ANTXR1: variants seen among roughly 807,000 people sequenced by gnomAD.
The protein encoded by ANTXR1 is anthrax toxin receptor 1.
ANTXR1 carries 19 observed loss-of-function variants against 78.1 expected under a neutral mutation model. The ratio of observed to expected loss-of-function variants is 0.24; its 90% CI spans 0.17 to 0.36. The LOEUF is 0.36. Among genes scored for constraint, ANTXR1 ranks in the 10% least tolerant of loss-of-function variants. The pLI is 1.00. For synonymous variants in ANTXR1, 273 were observed against 260.5 expected (o/e 1.05, Z -0.46); for missense variants, 518 against 718.6 (o/e 0.72, Z 3.19).
At chr2:69,197,932 A>G (rs1021515886) in intron 17 of ANTXR1, among the ~76,000 whole-genome samples, 2 of 152,192 alleles carry the variant, frequency 1.3e-5, no homozygotes, top group African/African-American at 2.4e-5. Context: ...TTATCACGTC[A>G]CCATTGTCAA....
chr2:69,214,014 G>A (rs966968628), intron 17 of ANTXR1, among the ~76,000 whole-genome samples: 1 of 152,260 alleles, frequency 6.6e-6, no homozygotes, highest in Non-Finnish European at 1.5e-5. Context: ...CCACAGCCAG[G>A]CAGTCTCAGC....
chr2:69,020,921 T>C (rs1202969013), intron 1 of ANTXR1, among the ~76,000 whole-genome samples: 1 of 152,162 alleles, frequency 6.6e-6, no homozygotes, highest in African/African-American at 2.4e-5. Flanking sequence ...TTGCAAGCAA[T>C]GTCCTGCTAT....
At chr2:69,065,625 T>C (rs1362408447) in intron 3 of ANTXR1, among the ~76,000 whole-genome samples, 7 of 152,196 alleles carry the variant, frequency 4.6e-5, no homozygotes, top group Non-Finnish European at 2.9e-5. Flanking sequence ...GTATAAATTG[T>C]ATTTCACTAA....
chr2:69,207,563 A>G (rs1055719645), intron 17 of ANTXR1, among the ~76,000 whole-genome samples: 1 of 152,204 alleles, frequency 6.6e-6, no homozygotes, highest in Non-Finnish European at 1.5e-5. Flanking sequence ...CCATGACAGG[A>G]ACTTAAAATT....
intron 17 of ANTXR1, among the ~76,000 whole-genome samples, chr2:69,217,257 G>A (rs1313386515): frequency 1.3e-5 from 2 of 152,140 alleles, no homozygotes; most frequent in African/African-American, 4.8e-5. Context: ...AGGGCCTCAG[G>A]GCCTCCCATC....
At position 69,070,630 on chromosome 2, in the gene ANTXR1, G is replaced by A; in HGVS notation, c.297-17G>A. Reference sequence around the variant, plus strand: ...AAAATACTCAAATAAGACTAACAGAGTGTCTTTGGATTTCAGAGAACAAAT... The same window carrying A: ...AAAATACTCAAATAAGACTAACAGAATGTCTTTGGATTTCAGAGAACAAAT... On this transcript the variant is annotated splice_polypyrimidine_tract_variant and intron_variant, in intron 3 of 17. Transcript: ENST00000303714. 8.7e-6 allele frequency: 14 copies of A among 1,613,004 alleles called. No homozygotes were observed. The highest frequency in any genetic ancestry group is 1.2e-5 in the Non-Finnish European group (14 of 1,179,008).
intron 12 of ANTXR1, among the ~76,000 whole-genome samples, chr2:69,140,771 T>G (rs1251114512): frequency 6.6e-6 from 1 of 152,216 alleles, no homozygotes; most frequent in Non-Finnish European, 1.5e-5. Flanking sequence ...ATGTGGGAAT[T>G]CAGTTATGTT....
At chr2:69,056,491 T>C (rs1156520445) in intron 3 of ANTXR1, among the ~76,000 whole-genome samples, 1 of 152,088 alleles carries the variant, frequency 6.6e-6, no homozygotes, top group Non-Finnish European at 1.5e-5. Flanking sequence ...TAATGAACAC[T>C]CATTACCCAC....
At chr2:69,170,352 C>T in intron 14 of ANTXR1, 63 bp downstream of exon 14, 1 of 1,586,856 alleles carries the variant, frequency 6.3e-7, no homozygotes, top group South Asian at 1.1e-5. Context: ...GGAGAGCTGG[C>T]TGGGCAGCTG....
chr2:69,143,758 A>AG (rs1460728356), intron 12 of ANTXR1, among the ~76,000 whole-genome samples: 11 of 152,154 alleles, frequency 7.2e-5, no homozygotes, highest in African/African-American at 2.7e-4. Flanking sequence ...TTTAAAGAGG[A>AG]GGAAAAAGAT....
At chr2:69,123,243 G>A (rs1334111502) in intron 11 of ANTXR1, among the ~76,000 whole-genome samples, 157 bp downstream of exon 11, 2 of 152,268 alleles carry the variant, frequency 1.3e-5, no homozygotes, top group Admixed American at 1.3e-4. Flanking sequence ...CAGACGCCAG[G>A]ATAAGTGTTT....
intron 2 of ANTXR1, among the ~76,000 whole-genome samples, chr2:69,043,179 C>T (rs1669663511): frequency 6.6e-6 from 1 of 152,234 alleles, no homozygotes; most frequent in African/African-American, 2.4e-5. Flanking sequence ...AGAATTAAAA[C>T]ACTTGACTTC....
chr2:69,102,184 G>C (rs968050776), intron 9 of ANTXR1, among the ~76,000 whole-genome samples: 1 of 152,210 alleles, frequency 6.6e-6, no homozygotes, highest in African/African-American at 2.4e-5. Context: ...TTCCTACCTA[G>C]CCTATGTACT....
At chr2:69,120,959 A>G (rs1409165342) in intron 10 of ANTXR1, among the ~76,000 whole-genome samples, 1 of 152,144 alleles carries the variant, frequency 6.6e-6, no homozygotes, top group Non-Finnish European at 1.5e-5. Flanking sequence ...CAACAGCCTC[A>G]CTGGCCCTCT....
intron 17 of ANTXR1, among the ~76,000 whole-genome samples, chr2:69,205,425 A>G (rs1674872035): frequency 6.6e-6 from 1 of 152,150 alleles, no homozygotes; most frequent in Non-Finnish European, 1.5e-5. Context: ...TCAGGCACTC[A>G]GTACTCAGCC....
At chr2:69,202,492 GTTCT>G (rs1661187700) in intron 17 of ANTXR1, among the ~76,000 whole-genome samples, 1 of 152,178 alleles carries the variant, frequency 6.6e-6, no homozygotes. Flanking sequence ...ATTGGAAAGA[GTTCT>G]TTGTCTTAGT....
chr2:69,172,434 C>A (rs759265209), intron 14 of ANTXR1: 1 of 1,598,138 alleles, frequency 6.3e-7, no homozygotes, highest in South Asian at 1.1e-5. Flanking sequence ...CCTAACACAG[C>A]CCGTGCAACG....
chr2:69,051,047 A>G (rs1669917411), intron 3 of ANTXR1, among the ~76,000 whole-genome samples: 1 of 152,100 alleles, frequency 6.6e-6, no homozygotes, highest in African/African-American at 2.4e-5. Flanking sequence ...GGACTTTGGG[A>G]GGCTGAGGCA....
intron 10 of ANTXR1, among the ~76,000 whole-genome samples, chr2:69,107,847 T>C (rs1471641601): frequency 9.4e-6 from 1 of 106,140 alleles, no homozygotes; most frequent in East Asian, 3.8e-4. Flanking sequence ...AGGAATAGGA[T>C]AAGACTTCTT....
Sources: allele counts gnomAD v4.1 joint callset (sites outside exome capture counted in the v4.1 genomes callset), GRCh38; gene constraint gnomAD v4.1.1; transcripts MANE v1.5; gene names NCBI Gene and HGNC (gene_info 2026-07-23, HGNC 2026-07-21).